PTPRT: variants seen among roughly 807,000 people sequenced by gnomAD.
PTPRT encodes the protein receptor-type tyrosine-protein phosphatase T.
In PTPRT, 56 loss-of-function variants were observed where a neutral mutation model predicts 176.8. The ratio of observed to expected loss-of-function variants is 0.32; its 90% CI spans 0.26 to 0.40. The LOEUF (loss-of-function observed/expected upper bound fraction) is 0.40, where lower values mean the gene tolerates loss of function less well. Ranked by LOEUF, PTPRT falls within the 10% of genes least tolerant of loss-of-function variation. The probability of loss-of-function intolerance (pLI) is 1.00; values close to 1 mark genes in which losing one functional copy is unlikely to be tolerated. For synonymous variants in PTPRT, 783 were observed against 739.0 expected, an observed-to-expected ratio of 1.06 and a Z score of -0.96; for missense variants, 1,540 against 1,908.2, an observed-to-expected ratio of 0.81 and a Z score of 3.60.
intron 9 of PTPRT, among the ~76,000 whole-genome samples, chr20:42,392,078 T>C (rs531170354): frequency 1.3e-5 from 2 of 152,296 alleles, no homozygotes; most frequent in East Asian, 3.9e-4. Flanking sequence ...CCCACTGTTA[T>C]ACCTGATGCC....
intron 6 of PTPRT, among the ~76,000 whole-genome samples, chr20:42,703,694 G>A (rs904978295): frequency 6.6e-6 from 1 of 152,152 alleles, no homozygotes; most frequent in Non-Finnish European, 1.5e-5. Flanking sequence ...TCTCAAAGAG[G>A]GAAGGAACTT....
intron 2 of PTPRT, among the ~76,000 whole-genome samples, chr20:42,858,594 C>T (rs2078606288): frequency 6.6e-6 from 1 of 152,130 alleles, no homozygotes; most frequent in Admixed American, 6.5e-5. Flanking sequence ...CACATGAGGA[C>T]ACAACTAGAA....
At chr20:42,299,127 G>A (rs2057424826) in intron 12 of PTPRT, among the ~76,000 whole-genome samples, 1 of 151,978 alleles carries the variant, frequency 6.6e-6, no homozygotes, top group African/African-American at 2.4e-5. Flanking sequence ...TTCCAACAGG[G>A]GATGGTAGAG....
At chr20:42,497,132 T>G (rs986108925) in intron 7 of PTPRT, among the ~76,000 whole-genome samples, 9 of 152,300 alleles carry the variant, frequency 5.9e-5, no homozygotes, top group Non-Finnish European at 1.3e-4. Context: ...TAGCAGCTGG[T>G]GTTTATCTTT....
chr20:43,026,293 T>G (rs1384306094), intron 1 of PTPRT, among the ~76,000 whole-genome samples: 1 of 152,068 alleles, frequency 6.6e-6, no homozygotes, highest in South Asian at 2.1e-4. Flanking sequence ...AATTTTTGCA[T>G]TTTTAGTAGA....
intron 8 of PTPRT, among the ~76,000 whole-genome samples, chr20:42,454,307 T>G (rs893582817): frequency 6.6e-6 from 1 of 152,202 alleles, no homozygotes; most frequent in African/African-American, 2.4e-5. Flanking sequence ...GGAATACTTT[T>G]GTATATTTGA....
intron 1 of PTPRT, among the ~76,000 whole-genome samples, chr20:43,175,553 G>C (rs972820600): frequency 3.3e-5 from 5 of 151,774 alleles, no homozygotes; most frequent in African/African-American, 1.2e-4. Flanking sequence ...GGCTCTGACT[G>C]TGCCACTGCA....
rs145707413 is a variant in PTPRT, at chr20:42,282,012, G to A, written c.2176+477C>T. ...GATAAGTGTTGAAAATGCCAACCAC[G>A]TAATAATGCAGCGTTTGTCTTCTCA... On this transcript the variant is annotated intron_variant, in intron 13 of 30. Coordinates refer to ENST00000373187, the MANE Select transcript of PTPRT (RefSeq NM_007050.6). 1.0e-3 allele frequency among the ~76,000 whole-genome samples: 153 copies of A among 152,148 alleles called. 1 individual carries two copies. The Middle Eastern group carries it at 0.014, about 14-fold the overall frequency.
At chr20:42,239,063 C>A (rs2056300792) in intron 14 of PTPRT, among the ~76,000 whole-genome samples, 2 of 152,106 alleles carry the variant, frequency 1.3e-5, no homozygotes, top group African/African-American at 4.8e-5. Context: ...ATCTAAACAT[C>A]TGGAATGTAT....
intron 1 of PTPRT, among the ~76,000 whole-genome samples, chr20:43,012,773 A>G (rs753158967): frequency 1.3e-5 from 2 of 152,076 alleles, no homozygotes; most frequent in Non-Finnish European, 2.9e-5. Context: ...CCGGGAGGTT[A>G]TTCCCCCACA....
intron 1 of PTPRT, among the ~76,000 whole-genome samples, chr20:42,990,319 T>C (rs1052514832): frequency 7.2e-5 from 11 of 152,326 alleles, no homozygotes; most frequent in Middle Eastern, 3.4e-3. Context: ...CTGATTTAGA[T>C]ACTGCATTGA....
intron 1 of PTPRT, among the ~76,000 whole-genome samples, chr20:42,925,102 G>T (rs565218018): frequency 6.6e-6 from 1 of 152,222 alleles, no homozygotes; most frequent in South Asian, 2.1e-4. Context: ...AGCATTCCCG[G>T]GTCTGTGAGC....
intron 2 of PTPRT, among the ~76,000 whole-genome samples, chr20:42,794,479 T>C (rs1213647333): frequency 6.6e-6 from 1 of 152,118 alleles, no homozygotes; most frequent in African/African-American, 2.4e-5. Flanking sequence ...GGCATGTACA[T>C]AAAGCAGTGA....
chr20:42,997,648 T>C (rs886521816), intron 1 of PTPRT, among the ~76,000 whole-genome samples: 9 of 152,220 alleles, frequency 5.9e-5, no homozygotes, highest in African/African-American at 1.9e-4. Flanking sequence ...CTAGGTGGTT[T>C]GTTATGTATC....
At chr20:43,130,811 T>G (rs1231697013) in intron 1 of PTPRT, among the ~76,000 whole-genome samples, 3 of 145,504 alleles carry the variant, frequency 2.1e-5, no homozygotes, top group Non-Finnish European at 4.6e-5. Flanking sequence ...AAGGAAGGAT[T>G]TTCAAAAAAA....
chr20:42,532,440 T>C (rs747459984), intron 7 of PTPRT, among the ~76,000 whole-genome samples: 2 of 152,100 alleles, frequency 1.3e-5, no homozygotes, highest in Non-Finnish European at 2.9e-5. Flanking sequence ...TCAAATCCAT[T>C]ACCCAGGCTG....
chr20:42,298,923 A>C (rs1265652188), intron 12 of PTPRT, among the ~76,000 whole-genome samples: 1 of 152,174 alleles, frequency 6.6e-6, no homozygotes, highest in Non-Finnish European at 1.5e-5. Context: ...TCTGTCTCAA[A>C]AAAACAAAAC....
chr20:43,018,955 GCTGATCCATT>G, intron 1 of PTPRT, among the ~76,000 whole-genome samples: 1 of 152,192 alleles, frequency 6.6e-6, no homozygotes, highest in Non-Finnish European at 1.5e-5. Context: ...GCACATTCCT[GCTGATCCATT>G]CATTTCACTC....
intron 2 of PTPRT, among the ~76,000 whole-genome samples, chr20:42,801,386 T>C (rs2077529227): frequency 6.6e-6 from 1 of 152,162 alleles, no homozygotes; most frequent in African/African-American, 2.4e-5. Flanking sequence ...TGCCACTGCA[T>C]CCCTAACTCC....
Sources: gnomAD v4.1 joint callset for allele counts (sites outside exome capture counted in the v4.1 genomes callset) on GRCh38, gnomAD v4.1.1 for gene constraint, MANE v1.5 for transcripts, NCBI Gene and HGNC (gene_info 2026-07-23, HGNC 2026-07-21) for gene names.